HS3ST3A1: variants seen among roughly 807,000 people sequenced by gnomAD.
The protein encoded by HS3ST3A1 is heparan sulfate glucosamine 3-O-sulfotransferase 3A1.
A neutral mutation model predicts 25.7 loss-of-function variants in HS3ST3A1; 19 were observed. That is an observed-to-expected ratio of 0.74 (90% CI 0.52 to 1.08). HS3ST3A1 has a LOEUF of 1.08. HS3ST3A1 is among the 50% of genes least tolerant of loss of function. HS3ST3A1 has a pLI of 0.00. For missense variants in HS3ST3A1, 459 were observed against 594.3 expected (o/e 0.77, Z 2.37); for synonymous variants, 226 against 278.6 (o/e 0.81, Z 1.88).
chr17:13,582,501 C>T (rs2142383880), intron 1 of HS3ST3A1, among the ~76,000 whole-genome samples: 1 of 152,268 alleles, frequency 6.6e-6, no homozygotes, highest in Non-Finnish European at 1.5e-5. Context: ...ACTCATGTAG[C>T]TATTTAAATG....
chr17:13,587,120 T>G (rs1357556383), intron 1 of HS3ST3A1, among the ~76,000 whole-genome samples: 2 of 151,980 alleles, frequency 1.3e-5, no homozygotes, highest in Non-Finnish European at 2.9e-5. Flanking sequence ...TGGACTGTGC[T>G]GTCCTTTTGA....
chr17:13,535,193 T>G (rs1308702446), intron 1 of HS3ST3A1, among the ~76,000 whole-genome samples: 1 of 152,188 alleles, frequency 6.6e-6, no homozygotes, highest in African/African-American at 2.4e-5. Context: ...AAAGACACAT[T>G]ATTTAATATA....
At chr17:13,555,284 AG>A (rs1907343413) in intron 1 of HS3ST3A1, among the ~76,000 whole-genome samples, 1 of 152,210 alleles carries the variant, frequency 6.6e-6, no homozygotes, top group African/African-American at 2.4e-5. Flanking sequence ...TGTTTCAAGC[AG>A]TATGGGAATG....
intron 1 of HS3ST3A1, among the ~76,000 whole-genome samples, chr17:13,527,668 A>G (rs906449627): frequency 3.3e-5 from 5 of 152,204 alleles, no homozygotes; most frequent in African/African-American, 1.2e-4. Context: ...AGACTGATTG[A>G]TCAACAGAAA....
chr17:13,499,335 T>C (rs1372094389), intron 1 of HS3ST3A1, among the ~76,000 whole-genome samples: 1 of 152,234 alleles, frequency 6.6e-6, no homozygotes, highest in Non-Finnish European at 1.5e-5. Context: ...AGGAGATCTA[T>C]CCAGAGATGG....
chr17:13,539,524 T>C (rs1175958606), intron 1 of HS3ST3A1, among the ~76,000 whole-genome samples: 6 of 152,222 alleles, frequency 3.9e-5, no homozygotes, highest in Non-Finnish European at 4.4e-5. Context: ...TCTTTTTCTT[T>C]AAACATCACT....
intron 1 of HS3ST3A1, among the ~76,000 whole-genome samples, chr17:13,516,158 CAAT>C (rs1164550518): frequency 6.6e-6 from 1 of 151,870 alleles, no homozygotes; most frequent in Non-Finnish European, 1.5e-5. Context: ...AAAATACAAA[CAAT>C]GAGCCAGGCA....
chr17:13,578,044 A>AT (rs1352089828), intron 1 of HS3ST3A1, among the ~76,000 whole-genome samples: 3 of 152,038 alleles, frequency 2.0e-5, no homozygotes, highest in African/African-American at 2.4e-5. Flanking sequence ...TTACTCAGCC[A>AT]TTTTTTCTGC....
chr17:13,579,701 CAAAAAAA>C (rs543748713), intron 1 of HS3ST3A1, among the ~76,000 whole-genome samples: 2 of 23,656 alleles, frequency 8.5e-5, no homozygotes, highest in African/African-American at 3.8e-4. Context: ...ACTCCATCTC[CAAAAAAA>C]AAAAAAAAAA....
At chr17:13,564,772 C>T (rs535605959) in intron 1 of HS3ST3A1, among the ~76,000 whole-genome samples, 6 of 144,388 alleles carry the variant, frequency 4.2e-5, no homozygotes, top group Admixed American at 2.8e-4. Context: ...CACCCAGGCT[C>T]GAGTGCAGTG....
intron 1 of HS3ST3A1, among the ~76,000 whole-genome samples, chr17:13,585,448 C>T (rs1335071846): frequency 1.3e-5 from 2 of 151,428 alleles, no homozygotes; most frequent in African/African-American, 4.9e-5. Context: ...GATCCACCCG[C>T]CTCAGCCTCC....
intron 1 of HS3ST3A1, among the ~76,000 whole-genome samples, chr17:13,589,519 A>G (rs1275630557): frequency 6.6e-6 from 1 of 152,226 alleles, no homozygotes; most frequent in Non-Finnish European, 1.5e-5. Context: ...TTGTAATCCA[A>G]AAGCCTCCTA....
At chr17:13,522,875 C>CACACAT (rs1906293971) in intron 1 of HS3ST3A1, among the ~76,000 whole-genome samples, 1 of 151,802 alleles carries the variant, frequency 6.6e-6, no homozygotes, top group Non-Finnish European at 1.5e-5. Flanking sequence ...CACACACACA[C>CACACAT]ACACACAAAG....
At chr17:13,540,030 T>G (rs1303974902) in intron 1 of HS3ST3A1, among the ~76,000 whole-genome samples, 2 of 152,230 alleles carry the variant, frequency 1.3e-5, no homozygotes, top group African/African-American at 4.8e-5. Context: ...TGGTTTAGAT[T>G]TGCAGATCAA....
rs1390018783 is a variant in HS3ST3A1 at position 13,494,898 on chromosome 17, T to C, written c.*1299A>G. Among the ~76,000 whole-genome samples the C allele has an allele frequency of 6.6e-6, 1 of 152,188 alleles. No homozygotes were observed. Among genetic ancestry groups the C allele is most frequent in the East Asian group, 1.9e-4 (1 of 5,202 alleles). On this transcript the variant is annotated 3_prime_UTR_variant, in exon 2 of 2. Coordinates refer to ENST00000284110, the MANE Select transcript of HS3ST3A1 (RefSeq NM_006042.3). ...CCTAGAATATTTTTCCAAATATTAC[T>C]GAACATTAGGTTATAAATGGTATAA...
intron 1 of HS3ST3A1, among the ~76,000 whole-genome samples, chr17:13,555,298 A>G (rs146444681): frequency 6.6e-6 from 1 of 152,332 alleles, no homozygotes; most frequent in Admixed American, 6.5e-5. Flanking sequence ...TGGGAATGGA[A>G]CAGGTGGAGG....
intron 1 of HS3ST3A1, among the ~76,000 whole-genome samples, chr17:13,506,901 C>T (rs966437389): frequency 2.0e-5 from 2 of 101,240 alleles, no homozygotes; most frequent in Non-Finnish European, 4.3e-5. Flanking sequence ...TACTAAAATA[C>T]AAAAAAAAAA....
chr17:13,543,276 G>A (rs531607348), intron 1 of HS3ST3A1, among the ~76,000 whole-genome samples: 1 of 152,296 alleles, frequency 6.6e-6, no homozygotes, highest in East Asian at 1.9e-4. Context: ...GTGAGACTGA[G>A]CCCTTAACCT....
At chr17:13,574,727 C>T (rs1183359987) in intron 1 of HS3ST3A1, among the ~76,000 whole-genome samples, 4 of 147,984 alleles carry the variant, frequency 2.7e-5, no homozygotes, top group South Asian at 2.2e-4. Flanking sequence ...GAAAACAAAA[C>T]CAAACAAAAC....
Sources: gnomAD v4.1 joint callset for allele counts (sites outside exome capture counted in the v4.1 genomes callset) on GRCh38, gnomAD v4.1.1 for gene constraint, MANE v1.5 for transcripts, NCBI Gene and HGNC (gene_info 2026-07-23, HGNC 2026-07-21) for gene names.